Variants in MAGI2 observed in about 807,000 individuals in gnomAD.
The protein encoded by MAGI2 is membrane-associated guanylate kinase, WW and PDZ domain-containing protein 2.
In MAGI2, 35 loss-of-function variants were observed where a neutral mutation model predicts 133.3. The ratio of observed to expected loss-of-function variants is 0.26; its 90% CI spans 0.20 to 0.35. The LOEUF (loss-of-function observed/expected upper bound fraction) is 0.35, where lower values mean the gene tolerates loss of function less well. Among genes scored for constraint, MAGI2 ranks in the 10% least tolerant of loss-of-function variants. The pLI is 1.00. For synonymous variants in MAGI2, 729 were observed against 710.6 expected (o/e 1.03, Z -0.41); for missense variants, 1,636 against 1,863.4 (o/e 0.88, Z 2.25).
At chr7:79,026,233 C>A (rs1400048141) in intron 1 of MAGI2, among the ~76,000 whole-genome samples, 2 of 152,144 alleles carry the variant, frequency 1.3e-5, no homozygotes, top group African/African-American at 4.8e-5. Context: ...CTATTGCCCC[C>A]ATTCCCTGAT....
rs1056007618 is a variant in MAGI2 at position 78,602,470 on chromosome 7, T to G, written c.538+24650A>C. Among the ~76,000 whole-genome samples the G allele has an allele frequency of 3.3e-5, 5 of 151,708 alleles. 1 individual carries two copies. The South Asian group carries it at 8.3e-4, about 25-fold the overall frequency. Reference sequence around the variant, plus strand: ...CCACCATACCCGGCCGATTAAATATTCTTTTTCTTCTTTCAGAAGATTTCT... The same window carrying G: ...CCACCATACCCGGCCGATTAAATATGCTTTTTCTTCTTTCAGAAGATTTCT... On this transcript the variant is annotated intron_variant, in intron 3 of 21. Transcript: ENST00000354212.
chr7:78,466,115 C>T (rs1178137802), intron 6 of MAGI2, among the ~76,000 whole-genome samples: 2 of 152,068 alleles, frequency 1.3e-5, no homozygotes, highest in Non-Finnish European at 2.9e-5. Context: ...TTTGTTAAGC[C>T]ACTTTGCCCT....
intron 2 of MAGI2, among the ~76,000 whole-genome samples, chr7:78,645,396 C>T (rs1212035982): frequency 6.6e-6 from 1 of 151,876 alleles, no homozygotes; most frequent in Admixed American, 6.6e-5. Flanking sequence ...AACATACATA[C>T]AAAAAACTAA....
At chr7:78,185,363 TG>T (rs1487384515) in intron 13 of MAGI2, 3 of 305,300 alleles carry the variant, frequency 9.8e-6, no homozygotes, top group Non-Finnish European at 1.8e-5. Flanking sequence ...TGGCTCTCTT[TG>T]GCAGCTGTTT....
At position 78,050,560 on chromosome 7, in the gene MAGI2, G is replaced by A. The variant is rs373147914; in HGVS notation, c.3706+28387C>T. Among the ~76,000 whole-genome samples the A allele has an allele frequency of 1.8e-4, 27 of 152,320 alleles. No homozygotes were observed. In the East Asian group the frequency reaches 5.0e-3, roughly 28 times the overall value. On this transcript the variant is annotated intron_variant, in intron 21 of 21. Coordinates refer to ENST00000354212, the MANE Select transcript of MAGI2 (RefSeq NM_012301.4). Reference sequence around the variant, plus strand: ...AGAGGATTTAGCAAAGGCTACTGCTGTTCAGCTGAGAATATTGTATGATTA... The same window carrying A: ...AGAGGATTTAGCAAAGGCTACTGCTATTCAGCTGAGAATATTGTATGATTA...
rs1044066407 is a variant in MAGI2, at chr7:78,214,686, A to G, written c.2048-13493T>C. Among the ~76,000 whole-genome samples the G allele has an allele frequency of 9.2e-5, 14 of 152,354 alleles. 1 individual carries two copies. The highest frequency in any genetic ancestry group is 6.8e-3 in the Middle Eastern group (2 of 294). Reference sequence around the variant, plus strand: ...ACTAACCAGCTAAGACTTGAAATCAATCTTCCCTTAAGACTATGGCTTCCC... The same window carrying G: ...ACTAACCAGCTAAGACTTGAAATCAGTCTTCCCTTAAGACTATGGCTTCCC... On this transcript the variant is annotated intron_variant, in intron 10 of 21. Transcript: ENST00000354212.
intron 7 of MAGI2, among the ~76,000 whole-genome samples, chr7:78,353,653 A>T (rs972392755): frequency 6.6e-6 from 1 of 152,238 alleles, no homozygotes; most frequent in African/African-American, 2.4e-5. Flanking sequence ...ACAAAGGAAG[A>T]GACATGTAAA....
At chr7:79,112,775 A>T (rs777253677) in intron 1 of MAGI2, among the ~76,000 whole-genome samples, 8 of 152,228 alleles carry the variant, frequency 5.3e-5, no homozygotes, top group Non-Finnish European at 7.3e-5. Flanking sequence ...GTGCAGGATT[A>T]CAAAAATGAC....
chr7:78,781,141 G>T (rs1315015783), intron 2 of MAGI2, among the ~76,000 whole-genome samples: 1 of 152,202 alleles, frequency 6.6e-6, no homozygotes, highest in Non-Finnish European at 1.5e-5. Flanking sequence ...CACTCTGGGA[G>T]GCTGAGGCGG....
chr7:79,338,571 T>C (rs966655835), intron 1 of MAGI2, among the ~76,000 whole-genome samples: 1 of 151,920 alleles, frequency 6.6e-6, no homozygotes, highest in Non-Finnish European at 1.5e-5. Flanking sequence ...ATTTCGAGAG[T>C]CTCTCTGGAT....
At position 79,142,548 on chromosome 7, in the gene MAGI2, G is replaced by A. The variant is rs115321776; in HGVS notation, c.302-135342C>T. On this transcript the variant is annotated intron_variant, in intron 1 of 21. Transcript: ENST00000354212. The stretch of plus-strand genomic sequence containing the variant: ...ATTGAAAAACTGGAACATGGAGAAT[G>A]TTTTGCTGTGAGTGTGCATGTGTGT... 4.6e-3 allele frequency among the ~76,000 whole-genome samples: 704 copies of A among 152,262 alleles called. 6 individuals carry two copies. Among genetic ancestry groups the A allele is most frequent in the African/African-American group, 0.015 (644 of 41,566 alleles).
chr7:79,140,633 G>A (rs1278664178), intron 1 of MAGI2, among the ~76,000 whole-genome samples: 1 of 152,086 alleles, frequency 6.6e-6, no homozygotes, highest in Non-Finnish European at 1.5e-5. Context: ...AATGATTGTA[G>A]GTTTCTTCCA....
chr7:79,306,014 G>A (rs1192370670), intron 1 of MAGI2, among the ~76,000 whole-genome samples: 2 of 147,644 alleles, frequency 1.4e-5, no homozygotes, highest in African/African-American at 5.0e-5. Context: ...CCTTTTTGGA[G>A]ACGAGGCAGG....
At chr7:78,112,682 T>C (rs989392516) in intron 20 of MAGI2, among the ~76,000 whole-genome samples, 3 of 152,224 alleles carry the variant, frequency 2.0e-5, no homozygotes, top group African/African-American at 7.2e-5. Flanking sequence ...TGTTCACGTA[T>C]GCATTCAGCA....
At chr7:78,916,060 G>A (rs1026721807) in intron 2 of MAGI2, among the ~76,000 whole-genome samples, 1 of 152,018 alleles carries the variant, frequency 6.6e-6, no homozygotes, top group African/African-American at 2.4e-5. Flanking sequence ...GTTCACATGT[G>A]AGCATATGGT....
intron 1 of MAGI2, among the ~76,000 whole-genome samples, chr7:79,094,660 G>A (rs1043722924): frequency 1.3e-5 from 2 of 152,110 alleles, no homozygotes; most frequent in Non-Finnish European, 2.9e-5. Flanking sequence ...TTGATCCATG[G>A]GCTACAGAAT....
At chr7:78,167,473 CA>C (rs1411146247) in intron 15 of MAGI2, among the ~76,000 whole-genome samples, 2 of 152,164 alleles carry the variant, frequency 1.3e-5, no homozygotes, top group African/African-American at 4.8e-5. Context: ...TCAGGAGCAA[CA>C]GCTTTATTGT....
chr7:78,841,810 A>G (rs372365550), intron 2 of MAGI2, among the ~76,000 whole-genome samples: 26 of 152,058 alleles, frequency 1.7e-4, no homozygotes, highest in African/African-American at 5.8e-4. Context: ...TCATCTGGAA[A>G]TCATTTTTCC....
intron 7 of MAGI2, among the ~76,000 whole-genome samples, chr7:78,365,143 C>T (rs935131916): frequency 7.9e-5 from 12 of 152,080 alleles, no homozygotes; most frequent in African/African-American, 2.9e-4. Flanking sequence ...TCACATCTTG[C>T]TCTCGGTGGC....
Sources: gnomAD v4.1 joint callset for allele counts (sites outside exome capture counted in the v4.1 genomes callset) on GRCh38, gnomAD v4.1.1 for gene constraint, MANE v1.5 for transcripts, NCBI Gene and HGNC (gene_info 2026-07-23, HGNC 2026-07-21) for gene names.